The following FNBP1 variants were observed in gnomAD, a reference collection of about 807,000 sequenced individuals.
The protein encoded by FNBP1 is formin binding protein 1, also known as formin-binding protein 1.
Under a neutral mutation model 90.6 loss-of-function variants are expected in FNBP1, and 26 were observed. That is an observed-to-expected ratio of 0.29 (90% CI 0.21 to 0.40). The LOEUF (loss-of-function observed/expected upper bound fraction) is 0.40, where lower values mean the gene tolerates loss of function less well. FNBP1 is among the 10% of genes least tolerant of loss of function. The probability of loss-of-function intolerance (pLI) is 1.00; values close to 1 mark genes in which losing one functional copy is unlikely to be tolerated. For missense variants in FNBP1, 635 were observed against 768.0 expected (o/e 0.83, Z 2.05); for synonymous variants, 260 against 265.2 (o/e 0.98, Z 0.19).
chr9:129,919,127 C>T, intron 10 of FNBP1: 1 of 1,061,094 alleles, frequency 9.4e-7, no homozygotes. Context: ...TGTGCCATGA[C>T]TGTATGACCT....
intron 15 of FNBP1, among the ~76,000 whole-genome samples, chr9:129,899,048 G>T (rs2036346947): frequency 6.6e-6 from 1 of 151,742 alleles, no homozygotes; most frequent in South Asian, 2.1e-4. Context: ...TAAAAGCATA[G>T]TAGAGAAGGA....
At chr9:129,938,002 A>C (rs1399248444) in intron 6 of FNBP1, among the ~76,000 whole-genome samples, 1 of 151,844 alleles carries the variant, frequency 6.6e-6, no homozygotes, top group Non-Finnish European at 1.5e-5. Context: ...ATCTCTACTA[A>C]AAAATACAAA....
upstream of FNBP1, among the ~76,000 whole-genome samples, chr9:130,044,296 C>T (rs1042363879): frequency 6.6e-6 from 1 of 152,208 alleles, no homozygotes; most frequent in Admixed American, 6.5e-5. Context: ...CCCACCCCAC[C>T]ATTTTCAACC....
chr9:130,023,723 C>G (rs755612742), intron 1 of FNBP1, among the ~76,000 whole-genome samples: 21 of 152,100 alleles, frequency 1.4e-4, no homozygotes, highest in Admixed American at 5.9e-4. Context: ...CAACAGTACC[C>G]TCTCGGTGAT....
intron 6 of FNBP1, among the ~76,000 whole-genome samples, chr9:129,939,789 C>G (rs563145533): frequency 1.3e-5 from 2 of 152,008 alleles, no homozygotes; most frequent in Admixed American, 1.3e-4. Context: ...GTCAAAGTTA[C>G]GCTCATACAA....
intron 1 of FNBP1, among the ~76,000 whole-genome samples, chr9:130,011,272 T>C (rs1364165342): frequency 9.7e-6 from 1 of 103,492 alleles, no homozygotes; most frequent in Non-Finnish European, 1.9e-5. Flanking sequence ...ATATATAAAA[T>C]ATATATAACA....
intron 2 of FNBP1, among the ~76,000 whole-genome samples, 164 bp from the exon 3 acceptor site, chr9:129,979,538 T>C (rs1193705725): frequency 1.3e-5 from 2 of 152,258 alleles, no homozygotes; most frequent in African/African-American, 4.8e-5. Context: ...ATGAAGCTAC[T>C]GTTATTAAGA....
upstream of FNBP1, among the ~76,000 whole-genome samples, chr9:130,043,359 G>A (rs75287985): frequency 0.01 from 1,540 of 152,162 alleles, 28 homozygotes; most frequent in African/African-American, 0.035. Context: ...CCGGAAGGAC[G>A]CGGAGGGAGG....
At chr9:129,929,419 A>G (rs975891749) in intron 7 of FNBP1, 148 bp downstream of exon 7, 34 of 760,568 alleles carry the variant, frequency 4.5e-5, no homozygotes, top group Middle Eastern at 3.7e-4. Flanking sequence ...CAAAAAAAAA[A>G]AAAAAAAAAA....
At chr9:130,046,886 T>C (rs369946190), upstream of FNBP1, among the ~76,000 whole-genome samples, 1 of 151,870 alleles carries the variant, frequency 6.6e-6, no homozygotes, top group Non-Finnish European at 1.5e-5. Flanking sequence ...ATATCCTTTA[T>C]AATAAACATG....
At chr9:130,039,072 G>A (rs182442340) in intron 1 of FNBP1, among the ~76,000 whole-genome samples, 2 of 152,130 alleles carry the variant, frequency 1.3e-5, no homozygotes, top group Admixed American at 1.3e-4. Context: ...CAACAAGTCA[G>A]TGAACATATT....
At chr9:130,007,637 G>C (rs930261017) in intron 1 of FNBP1, among the ~76,000 whole-genome samples, 18 of 152,090 alleles carry the variant, frequency 1.2e-4, no homozygotes, top group Non-Finnish European at 2.5e-4. Context: ...TTCCTCTCTT[G>C]TTTCTACGGA....
chr9:130,033,870 G>T (rs1287206025), intron 1 of FNBP1, among the ~76,000 whole-genome samples: 1 of 135,894 alleles, frequency 7.4e-6, no homozygotes, highest in Non-Finnish European at 1.6e-5. Context: ...AAAAAAATTA[G>T]CCAGTCATGG....
chr9:129,994,706 C>A, intron 2 of FNBP1, 137 bp downstream of exon 2: 2 of 387,894 alleles, frequency 5.2e-6, no homozygotes, highest in Non-Finnish European at 9.2e-6. Flanking sequence ...GTATGAAAAA[C>A]AATCACTTCT....
At chr9:130,016,179 T>C (rs2057215787) in intron 1 of FNBP1, among the ~76,000 whole-genome samples, 1 of 152,200 alleles carries the variant, frequency 6.6e-6, no homozygotes, top group Non-Finnish European at 1.5e-5. Context: ...TATGCCTCCC[T>C]TTCCCAATTC....
At position 129,984,948 on chromosome 9, in the gene FNBP1, G is replaced by A. The variant is rs1458502486; in HGVS notation, c.141-5574C>T. ...AAACTTCTTTTTCTTCCCAGTCTCG[G>A]GTATGTCTTTATCAGCAGCGTGAAA... On this transcript the variant is annotated intron_variant, in intron 2 of 16. Transcript: ENST00000446176. 3.3e-5 allele frequency among the ~76,000 whole-genome samples: 5 copies of A among 151,930 alleles called. 1 individual carries two copies. In the East Asian group the frequency reaches 9.6e-4, roughly 29 times the overall value.
chr9:129,959,899 G>C (rs922111667), intron 4 of FNBP1, among the ~76,000 whole-genome samples: 1 of 152,090 alleles, frequency 6.6e-6, no homozygotes, highest in African/African-American at 2.4e-5. Context: ...CCTATGAATG[G>C]AGACATGGTC....
At chr9:130,032,980 A>G (rs919053917) in intron 1 of FNBP1, among the ~76,000 whole-genome samples, 6 of 152,164 alleles carry the variant, frequency 3.9e-5, no homozygotes, top group Non-Finnish European at 8.8e-5. Context: ...GGTTTATTGT[A>G]TTGTTAACAT....
intron 16 of FNBP1, among the ~76,000 whole-genome samples, chr9:129,894,306 C>G (rs892393639): frequency 5.9e-5 from 9 of 152,132 alleles, no homozygotes; most frequent in Non-Finnish European, 1.3e-4. Flanking sequence ...ACCAACTTCA[C>G]TATCTCCCCT....
Sources: allele counts gnomAD v4.1 joint callset (sites outside exome capture counted in the v4.1 genomes callset), GRCh38; gene constraint gnomAD v4.1.1; transcripts MANE v1.5; gene names NCBI Gene and HGNC (gene_info 2026-07-23, HGNC 2026-07-21).